The following PTCHD1 variants were observed in gnomAD, a reference collection of about 807,000 sequenced individuals.
PTCHD1 encodes patched domain-containing protein 1.
A neutral mutation model predicts 34.6 loss-of-function variants in PTCHD1; 3 were observed. The ratio of observed to expected loss-of-function variants is 0.09; its 90% confidence interval spans 0.04 to 0.22. PTCHD1 has a LOEUF of 0.22. Among genes scored for constraint, PTCHD1 ranks in the 10% least tolerant of loss-of-function variants. The pLI is 1.00. For missense variants in PTCHD1, 504 were observed against 685.5 expected, an observed-to-expected ratio of 0.74 and a Z score of 2.96; for synonymous variants, 305 against 283.1, an observed-to-expected ratio of 1.08 and a Z score of -0.77.
At chrX:23,387,204 C>T (rs1258907163) in intron 2 of PTCHD1, among the ~76,000 whole-genome samples, 1 of 112,241 alleles carries the variant, frequency 8.9e-6, no homozygotes, top group African/African-American at 3.2e-5. Context: ...TTATGAGCAA[C>T]TTTCCAGAAG....
At chrX:23,354,788 G>A (rs1428817224) in intron 1 of PTCHD1, among the ~76,000 whole-genome samples, 1 of 108,933 alleles carries the variant, frequency 9.2e-6, no homozygotes, top group Non-Finnish European at 1.9e-5. Flanking sequence ...GGCCAGGATG[G>A]TCTCGATCTC....
chrX:23,355,688 G>T (rs1918560), intron 1 of PTCHD1, among the ~76,000 whole-genome samples: 34,695 of 111,431 alleles, frequency 0.31, 4,266 homozygotes, highest in East Asian at 0.49. Flanking sequence ...TTCATCCATT[G>T]CTTAAGTGAA....
chrX:23,356,841 T>C (rs1921818851), intron 1 of PTCHD1, among the ~76,000 whole-genome samples: 1 of 111,732 alleles, frequency 8.9e-6, no homozygotes, highest in African/African-American at 3.3e-5. Flanking sequence ...CTACATTTTC[T>C]GATTGAGATG....
chrX:23,375,137 T>C (rs1450027714), intron 1 of PTCHD1, among the ~76,000 whole-genome samples: 1 of 112,045 alleles, frequency 8.9e-6, no homozygotes, highest in Non-Finnish European at 1.9e-5. Flanking sequence ...CTGTTAATAC[T>C]GCCATGTAAT....
intron 1 of PTCHD1, among the ~76,000 whole-genome samples, chrX:23,361,908 A>C (rs997061854): frequency 1.3e-4 from 15 of 111,871 alleles, no homozygotes; most frequent in Non-Finnish European, 2.6e-4. Context: ...TTCACTTATG[A>C]AGCTTAGTTT....
At chrX:23,373,261 C>T (rs1386181654) in intron 1 of PTCHD1, among the ~76,000 whole-genome samples, 2 of 112,457 alleles carry the variant, frequency 1.8e-5, no homozygotes, top group African/African-American at 6.5e-5. Context: ...GTGTCAGTAC[C>T]CGCAATAAGA....
At chrX:23,388,552 C>T (rs1177276417) in intron 2 of PTCHD1, among the ~76,000 whole-genome samples, 1 of 111,973 alleles carries the variant, frequency 8.9e-6, no homozygotes, top group Non-Finnish European at 1.9e-5. Flanking sequence ...GTGGGTTGTG[C>T]GTGGTGGCTC....
At chrX:23,343,718 C>T (rs375374637) in intron 1 of PTCHD1, among the ~76,000 whole-genome samples, 25 of 112,024 alleles carry the variant, frequency 2.2e-4, no homozygotes, top group African/African-American at 5.5e-4. Context: ...AATGGAAACA[C>T]TAAAACTGCT....
intron 1 of PTCHD1, among the ~76,000 whole-genome samples, chrX:23,378,633 T>C (rs1174222180): frequency 8.9e-6 from 1 of 112,054 alleles, no homozygotes; most frequent in Non-Finnish European, 1.9e-5. Flanking sequence ...TCTTACTATG[T>C]GTGTGACATT....
At chrX:23,339,630 G>C (rs1391565409) in intron 1 of PTCHD1, among the ~76,000 whole-genome samples, 4 of 112,221 alleles carry the variant, frequency 3.6e-5, no homozygotes, top group Non-Finnish European at 3.8e-5. Context: ...ACAAAGACTG[G>C]GTAGCTAGAT....
rs757675097 is a variant in PTCHD1, at chrX:23,393,478, A to G, written c.1960A>G (p.Met654Val). The change falls in exon 3 of 3, where the codon ATG becomes GTG. Residue 654 changes from methionine to valine, a missense_variant. By Grantham distance (21) the Met-to-Val change is conservative. Coordinates refer to ENST00000379361, the MANE Select transcript of PTCHD1 (RefSeq NM_173495.3). Reference protein sequence around the residue: ...ASRMFLVAKTMETNREELYDL... With the variant: ...ASRMFLVAKTVETNREELYDL... The stretch of plus-strand genomic sequence containing the variant: ...CAGAATGTTTTTGGTGGCCAAGACC[A>G]TGGAAACAAACAGAGAAGAACTCTA... 4 of 1,209,288 alleles carry G rather than the reference A, an allele frequency of 3.3e-6. No individual in the cohort carries two copies. The highest frequency in any genetic ancestry group is 3.0e-5 in the East Asian group (1 of 33,775).
At chrX:23,352,142 C>T (rs1379725332) in intron 1 of PTCHD1, among the ~76,000 whole-genome samples, 1 of 111,374 alleles carries the variant, frequency 9.0e-6, no homozygotes, top group African/African-American at 3.3e-5. Context: ...CACAGGAGGG[C>T]GAGAAGGGGA....
rs1384418681 is a variant in PTCHD1, at chrX:23,397,854, T to G, written c.*3669T>G. On this transcript the variant is annotated 3_prime_UTR_variant, in exon 3 of 3. Transcript: ENST00000379361. ...GGGTGTGGCAAGAGGCAGAACCTCT[T>G]GGACACAAATGTTATCTTCCTCATA... is the stretch of plus-strand genomic sequence containing the variant. 9.0e-6 allele frequency: 1 copy of G among 111,608 alleles called. No homozygotes were observed. The highest frequency in any genetic ancestry group is 3.3e-5 in the African/African-American group (1 of 30,666). The allele number at this position is 111,608 out of a possible 1,213,427, so 9.2% of individuals were successfully genotyped here.
intron 1 of PTCHD1, chrX:23,351,296 T>G (rs1436075669): frequency 1.2e-5 from 10 of 854,699 alleles, no homozygotes; most frequent in African/African-American, 4.0e-5. Flanking sequence ...CAAAAGATGT[T>G]GGACAACTTA....
intron 2 of PTCHD1, among the ~76,000 whole-genome samples, chrX:23,385,756 A>G (rs1275066718): frequency 9.0e-6 from 1 of 111,288 alleles, no homozygotes; most frequent in Admixed American, 9.6e-5. Flanking sequence ...CCTTCTCTAC[A>G]CTGATTGGTG....
rs765690048 is a variant in PTCHD1 at position 23,394,302 on chromosome X, CA to C, written c.*139del. The C allele has an allele frequency of 0.048, 2,489 of 51,589 alleles. 41 individuals are homozygous for C. The highest frequency in any genetic ancestry group is 0.21 in the African/African-American group (1,495 of 7,077). 4.3% of individuals were successfully genotyped at this position (51,589 alleles called of 1,213,427 possible). A position where few individuals can be genotyped will look rare whatever the true frequency, so the allele number is the denominator to read the frequency against. On this transcript the variant is annotated 3_prime_UTR_variant, in exon 3 of 3. Coordinates refer to ENST00000379361, the MANE Select transcript of PTCHD1 (RefSeq NM_173495.3). ...TTTAAAGATAGGAAACAGGCATTGCCAAAAAAAAAAAAAAAAAAAAAAGGAA... is the reference window on the plus strand; with the variant it reads ...TTTAAAGATAGGAAACAGGCATTGCCAAAAAAAAAAAAAAAAAAAAAGGAA...
intron 1 of PTCHD1, among the ~76,000 whole-genome samples, chrX:23,337,314 C>T (rs1921194221): frequency 8.9e-6 from 1 of 112,177 alleles, no homozygotes; most frequent in Non-Finnish European, 1.9e-5. Context: ...TTATTTCTAG[C>T]TGATGACTCT....
At chrX:23,390,340 A>C (rs1022225637) in intron 2 of PTCHD1, among the ~76,000 whole-genome samples, 9 of 109,346 alleles carry the variant, frequency 8.2e-5, no homozygotes, top group African/African-American at 2.0e-4. Context: ...AAAAAAAAAA[A>C]AAAAACAAAA....
At chrX:23,351,954 C>G (rs1044784391) in intron 1 of PTCHD1, among the ~76,000 whole-genome samples, 1 of 111,469 alleles carries the variant, frequency 9.0e-6, no homozygotes, top group Non-Finnish European at 1.9e-5. Flanking sequence ...GTTAATGAAG[C>G]CTTTTTTAAA....
Sources: gnomAD v4.1 joint callset for allele counts (sites outside exome capture counted in the v4.1 genomes callset) on GRCh38, gnomAD v4.1.1 for gene constraint, MANE v1.5 for transcripts, NCBI Gene and HGNC (gene_info 2026-07-23, HGNC 2026-07-21) for gene names.